Variants in UBR1 observed in about 807,000 individuals in gnomAD.
The protein encoded by UBR1 is ubiquitin protein ligase E3 component n-recognin 1.
In UBR1, 102 loss-of-function variants were observed where a neutral mutation model predicts 242.1. That is an observed-to-expected ratio of 0.42 (90% CI 0.36 to 0.50). The LOEUF is 0.50. Ranked by LOEUF, UBR1 falls within the 20% of genes least tolerant of loss-of-function variation. The pLI is 0.01. For synonymous variants in UBR1, 675 were observed against 684.8 expected (o/e 0.99, Z 0.22); for missense variants, 1,772 against 2,101.8 (o/e 0.84, Z 3.07).
intron 2 of UBR1, among the ~76,000 whole-genome samples, chr15:43,083,381 TTTTTC>T (rs1184123772): frequency 6.6e-6 from 1 of 152,176 alleles, no homozygotes; most frequent in Non-Finnish European, 1.5e-5. Context: ...TTATTATTTT[TTTTTC>T]TTTTGAGACA....
At chr15:42,996,488 T>G (rs2032640521) in intron 33 of UBR1, among the ~76,000 whole-genome samples, 1 of 151,998 alleles carries the variant, frequency 6.6e-6, no homozygotes, top group African/African-American at 2.4e-5. Context: ...TTCCAGCTAC[T>G]TGGGAGGCTG....
intron 6 of UBR1, among the ~76,000 whole-genome samples, chr15:43,062,118 T>C (rs1177099206): frequency 6.6e-6 from 1 of 152,118 alleles, no homozygotes; most frequent in Non-Finnish European, 1.5e-5. Flanking sequence ...TCCCATATGA[T>C]CCAGCAATTC....
chr15:43,018,323 C>T (rs2033058452), intron 27 of UBR1, among the ~76,000 whole-genome samples: 2 of 152,224 alleles, frequency 1.3e-5, no homozygotes, highest in Admixed American at 1.3e-4. Context: ...ATTTCCACAA[C>T]AGCTTATACA....
At chr15:42,957,902 AAAAC>A in intron 44 of UBR1, 107 bp downstream of exon 44, 12 of 1,002,080 alleles carry the variant, frequency 1.2e-5, no homozygotes, top group South Asian at 2.8e-5. Context: ...AACCCAAACC[AAAAC>A]AAACAAAAAA....
At chr15:42,963,327 T>C (rs2032051970) in intron 42 of UBR1, among the ~76,000 whole-genome samples, 1 of 151,938 alleles carries the variant, frequency 6.6e-6, no homozygotes, top group Admixed American at 6.6e-5. Context: ...AAGGAAATGA[T>C]GGGCAAGGAA....
At chr15:42,946,028 A>G (rs1403358110) in intron 46 of UBR1, among the ~76,000 whole-genome samples, 1 of 152,222 alleles carries the variant, frequency 6.6e-6, no homozygotes, top group Admixed American at 6.5e-5. Context: ...CTAATCCAAA[A>G]TGACTTAAGT....
At chr15:43,057,755 T>C (rs1358091917) in intron 10 of UBR1, among the ~76,000 whole-genome samples, 1 of 152,176 alleles carries the variant, frequency 6.6e-6, no homozygotes, top group African/African-American at 2.4e-5. Context: ...AACAGGCAAA[T>C]AAATGATTAG....
In UBR1 at chr15:43,038,171, A is replaced by G; in HGVS notation, c.1911T>C (p.Phe637=). 8 of 1,614,064 alleles carry G rather than the reference A, an allele frequency of 5.0e-6. No homozygotes were observed. The highest frequency in any genetic ancestry group is 6.8e-6 in the Non-Finnish European group (8 of 1,179,912). Residue 637 remains phenylalanine (F), a splice_region_variant and synonymous_variant, in exon 16 of 47, where the codon TTT becomes TTC. Transcript: ENST00000290650. ...AVSRLHEFVS[F]EDFQVEVLVE... is the part of the protein sequence containing the mutation. ...ATCAATACTTAGTAGAATCACTTAC[A>G]AAAGACACAAATTCATGCAGTCTTG...
rs1431727366 is a variant in UBR1 at position 42,943,230 on chromosome 15, T to C, written c.*2099A>G. 1.3e-5 allele frequency: 2 copies of C among 152,580 alleles called. No individual in the cohort carries two copies. The highest frequency in any genetic ancestry group is 2.4e-5 in the African/African-American group (1 of 41,442). The allele number at this position is 152,580 out of a possible 1,614,324, so 9.5% of individuals were successfully genotyped here. ...ATTCTCACTAGCCCCTTACCAAACA[T>C]TAGAAAAACACAGTTCTGGAGCCAT... On this transcript the variant is annotated 3_prime_UTR_variant, in exon 47 of 47. Coordinates refer to ENST00000290650, the MANE Select transcript of UBR1 (RefSeq NM_174916.3).
At chr15:42,964,244 C>T (rs1166523171) in intron 41 of UBR1, among the ~76,000 whole-genome samples, 5 of 151,938 alleles carry the variant, frequency 3.3e-5, no homozygotes, top group South Asian at 2.1e-4. Flanking sequence ...CCGAGGCGGG[C>T]GGATCACCTG....
At chr15:43,036,717 A>G in intron 17 of UBR1, 124 bp from the exon 18 acceptor site, 1 of 659,338 alleles carries the variant, frequency 1.5e-6, no homozygotes, top group South Asian at 1.8e-5. Flanking sequence ...AGTGGCAAAA[A>G]TAAGTTGTAA....
intron 27 of UBR1, among the ~76,000 whole-genome samples, chr15:43,019,139 G>A (rs1397369759): frequency 6.6e-6 from 1 of 151,854 alleles, no homozygotes; most frequent in Non-Finnish European, 1.5e-5. Context: ...TCGGCTCACT[G>A]CAAGCTCCAC....
At chr15:43,028,756 A>AC (rs1232105519) in intron 21 of UBR1, among the ~76,000 whole-genome samples, 2 of 150,258 alleles carry the variant, frequency 1.3e-5, no homozygotes, top group East Asian at 3.9e-4. Context: ...CAAAAAAAAA[A>AC]AAACAAACAA....
At chr15:43,070,286 A>G (rs1335274383) in intron 5 of UBR1, among the ~76,000 whole-genome samples, 1 of 149,980 alleles carries the variant, frequency 6.7e-6, no homozygotes, top group Non-Finnish European at 1.5e-5. Flanking sequence ...CTACATCCCT[A>G]TAATTTCAAT....
In UBR1 at chr15:43,093,810, A is replaced by C. The variant is rs796807769; in HGVS notation, c.82-7570T>G. ...GTCTCCAAAAAAAAAAAAAAAAAAA[A>C]ACCAAAAAGGCAAGCTCATAACTAA... On this transcript the variant is annotated intron_variant, in intron 1 of 46. Coordinates refer to ENST00000290650, the MANE Select transcript of UBR1 (RefSeq NM_174916.3). Among the ~76,000 whole-genome samples the C allele has an allele frequency of 5.7e-3, 856 of 151,316 alleles. 7 individuals carry two copies. Among genetic ancestry groups the C allele is most frequent in the African/African-American group, 0.019 (777 of 41,052 alleles).
rs765865717 is a variant in UBR1 at position 43,058,359 on chromosome 15, A to C, written c.1164T>G (p.Phe388Leu). ...FFMEMEYKKL[F>L]AMEFVKYYKQ... ...TAATTACCTTCACAAATTCCATAGC[A>C]AAGAGTTTTTTGTATTCCATCTCCA... Residue 388 changes from phenylalanine (F) to leucine (L), a missense_variant, in exon 10 of 47, where the codon TTT becomes TTG. Coordinates refer to ENST00000290650, the MANE Select transcript of UBR1 (RefSeq NM_174916.3). 3 of 1,608,416 alleles carry C rather than the reference A, an allele frequency of 1.9e-6. No individual in the cohort carries two copies. The East Asian group carries it at 6.7e-5, about 36-fold the overall frequency.
chr15:43,102,664 T>C (rs1388527866), intron 1 of UBR1, among the ~76,000 whole-genome samples: 2 of 152,230 alleles, frequency 1.3e-5, no homozygotes, highest in African/African-American at 4.8e-5. Context: ...CTCATTATCA[T>C]GGACCCAATA....
At chr15:43,096,516 T>G (rs1418357731) in intron 1 of UBR1, among the ~76,000 whole-genome samples, 1 of 152,164 alleles carries the variant, frequency 6.6e-6, no homozygotes, top group Non-Finnish European at 1.5e-5. Context: ...ATTGACCTTT[T>G]CACAAAAGAT....
chr15:42,946,034 T>TA (rs1160689378), intron 46 of UBR1, among the ~76,000 whole-genome samples: 1 of 152,214 alleles, frequency 6.6e-6, no homozygotes, highest in African/African-American at 2.4e-5. Context: ...CAAAATGACT[T>TA]AAGTCTGGCT....
Sources: gnomAD v4.1 joint callset for allele counts (sites outside exome capture counted in the v4.1 genomes callset) on GRCh38, gnomAD v4.1.1 for gene constraint, MANE v1.5 for transcripts, NCBI Gene and HGNC (gene_info 2026-07-23, HGNC 2026-07-21) for gene names.